Variants in BLTP1 observed in about 807,000 individuals in gnomAD.
The protein encoded by BLTP1 is bridge-like lipid transfer protein family member 1, also known as fragile site-associated protein.
chr4:122,170,883 T>C, the BLTP1 span: 1 of 568,130 alleles, frequency 1.8e-6, no homozygotes, highest in Non-Finnish European at 3.0e-6. Flanking sequence ...TTGTTATTTA[T>C]ATTTCTTGAA....
the BLTP1 span, chr4:122,281,282 A>G: frequency 3.2e-5 from 31 of 977,344 alleles, no homozygotes; most frequent in Non-Finnish European, 3.8e-5. Flanking sequence ...CCAGTTTTGT[A>G]ATAATGATAA....
At chr4:122,177,763 C>T in the BLTP1 span, among the ~76,000 whole-genome samples, 4 of 152,196 alleles carry the variant, frequency 2.6e-5, no homozygotes, top group South Asian at 4.2e-4. Context: ...GTTAACTATC[C>T]TCTATCAATG....
chr4:122,267,669 A>C, the BLTP1 span: 3 of 937,440 alleles, frequency 3.2e-6, no homozygotes, highest in Admixed American at 6.2e-5. Flanking sequence ...TCAGAAACAA[A>C]TAGAAATGTA....
At chr4:122,339,450 T>C in the BLTP1 span, 1 of 1,401,358 alleles carries the variant, frequency 7.1e-7, no homozygotes, top group Non-Finnish European at 9.7e-7. Context: ...TAAAGCCAAA[T>C]ACTATTTTTA....
At chr4:122,203,781 A>G in the BLTP1 span, 1 of 471,576 alleles carries the variant, frequency 2.1e-6, no homozygotes, top group African/African-American at 2.1e-5. Flanking sequence ...TAAATTAGTT[A>G]TTAAAGAAAA....
chr4:122,301,944 A>T, the BLTP1 span: 2 of 152,430 alleles, frequency 1.3e-5, no homozygotes, highest in African/African-American at 4.8e-5. Context: ...GGTGGCACAC[A>T]CCTGTAGTCT....
chr4:122,229,097 A>G, the BLTP1 span: 46,690 of 1,554,302 alleles, frequency 0.03, 843 homozygotes, highest in Non-Finnish European at 0.035. Context: ...GATGATTTAG[A>G]TGTACAATCC....
At chr4:122,307,927 G>T in the BLTP1 span, 1 of 1,607,354 alleles carries the variant, frequency 6.2e-7, no homozygotes, top group East Asian at 2.2e-5. Flanking sequence ...TTTTCTTTCT[G>T]CCCTGTCTTA....
chr4:122,274,532 C>A, the BLTP1 span: 1 of 1,482,492 alleles, frequency 6.7e-7, no homozygotes, highest in East Asian at 2.6e-5. Context: ...TTTGTATATA[C>A]AATATCAGTT....
chr4:122,362,285 CTGTTT>C, the BLTP1 span: 1 of 1,519,330 alleles, frequency 6.6e-7, no homozygotes. Context: ...ATGATTGTGT[CTGTTT>C]TATTACACTG....
At chr4:122,216,519 G>A in the BLTP1 span, among the ~76,000 whole-genome samples, 3 of 152,258 alleles carry the variant, frequency 2.0e-5, no homozygotes, top group Admixed American at 2.0e-4. Context: ...CATTAGTGAT[G>A]TTGAACATTT....
At chr4:122,293,441 C>T in the BLTP1 span, among the ~76,000 whole-genome samples, 2 of 152,160 alleles carry the variant, frequency 1.3e-5, no homozygotes, top group Non-Finnish European at 2.9e-5. Context: ...CCCCCACCCC[C>T]AGGCAAGGGA....
the BLTP1 span, among the ~76,000 whole-genome samples, chr4:122,235,953 A>G: frequency 6.6e-6 from 1 of 152,128 alleles, no homozygotes; most frequent in Non-Finnish European, 1.5e-5. Flanking sequence ...TTTCCTCTGG[A>G]TTTTTTTAGT....
the BLTP1 span, chr4:122,173,169 A>G: frequency 1.2e-6 from 2 of 1,600,352 alleles, no homozygotes; most frequent in South Asian, 2.3e-5. Context: ...TTGAGTTAAC[A>G]CTGAATTTTT....
the BLTP1 span, among the ~76,000 whole-genome samples, chr4:122,358,664 C>T: frequency 2.0e-5 from 3 of 152,100 alleles, no homozygotes; most frequent in Non-Finnish European, 2.9e-5. Flanking sequence ...TTACGTAGTG[C>T]GTTACTATGG....
the BLTP1 span, chr4:122,343,609 A>G: frequency 6.2e-7 from 1 of 1,613,532 alleles, no homozygotes; most frequent in South Asian, 1.1e-5. Flanking sequence ...CAGGAGGATT[A>G]GGTATACTTT....
At chr4:122,329,139 C>T in the BLTP1 span, among the ~76,000 whole-genome samples, 3 of 151,708 alleles carry the variant, frequency 2.0e-5, no homozygotes, top group African/African-American at 7.2e-5. Flanking sequence ...AGTACATTCT[C>T]AAATAACTTA....
chr4:122,243,080 T>C, the BLTP1 span: 4 of 1,610,772 alleles, frequency 2.5e-6, no homozygotes, highest in South Asian at 4.4e-5. Flanking sequence ...TAAGTAAAAA[T>C]ATCATGCTTT....
the BLTP1 span, among the ~76,000 whole-genome samples, chr4:122,228,046 T>A: frequency 2.6e-5 from 4 of 151,882 alleles, no homozygotes; most frequent in Non-Finnish European, 4.4e-5. Context: ...CCCGAGTAGC[T>A]GGGACTACAG....
Sources: gnomAD v4.1 joint callset for allele counts (sites outside exome capture counted in the v4.1 genomes callset) on GRCh38, gnomAD v4.1.1 for gene constraint, MANE v1.5 for transcripts, NCBI Gene and HGNC (gene_info 2026-07-23, HGNC 2026-07-21) for gene names.